TRPM8: variants seen among roughly 807,000 people sequenced by gnomAD.
TRPM8 encodes transient receptor potential cation channel subfamily M member 8.
In TRPM8, 110 loss-of-function variants were observed where a neutral mutation model predicts 133.7. The observed-to-expected ratio is 0.82, with a 90% CI of 0.70 to 0.96. TRPM8 has a LOEUF of 0.96. Ranked by LOEUF, TRPM8 falls within the 40% of genes least tolerant of loss-of-function variation. The pLI, the probability that TRPM8 is intolerant of heterozygous loss-of-function variation, is 0.00. For missense variants in TRPM8, 1,291 were observed against 1,379.5 expected, an observed-to-expected ratio of 0.94 and a Z score of 1.02; for synonymous variants, 535 against 532.3, an observed-to-expected ratio of 1.01 and a Z score of -0.07.
chr2:233,969,937 A>G lies in TRPM8; in HGVS notation c.2138+130A>G, dbSNP rs562527986. 2.4e-5 allele frequency: 18 copies of G among 765,376 alleles called. No individual in the cohort carries two copies. In the African/African-American group the frequency reaches 3.1e-4, roughly 13 times the overall value. The allele number at this position is 765,376 out of a possible 1,614,324, so 47.4% of individuals were successfully genotyped here. On this transcript the variant is annotated intron_variant, in intron 16 of 25. Coordinates refer to ENST00000324695, the MANE Select transcript of TRPM8 (RefSeq NM_024080.5). ...ATGATGTTTACATTGTTGCCTATGA[A>G]TTTGGTCTTGTTTCTCCCCTGACTT...
chr2:234,001,652 C>T (rs1252556191), intron 22 of TRPM8, among the ~76,000 whole-genome samples: 1 of 138,144 alleles, frequency 7.2e-6, no homozygotes, highest in Non-Finnish European at 1.6e-5. Context: ...AAAAGGAGCA[C>T]CCCCCCTTAG....
At chr2:233,924,906 T>C (rs1245280978) in intron 1 of TRPM8, among the ~76,000 whole-genome samples, 4 of 152,258 alleles carry the variant, frequency 2.6e-5, no homozygotes, top group Non-Finnish European at 5.9e-5. Context: ...TCTCAGCTTC[T>C]CTTTGAAATG....
At chr2:233,979,053 G>A (rs558860585) in intron 17 of TRPM8, among the ~76,000 whole-genome samples, 1 of 152,274 alleles carries the variant, frequency 6.6e-6, no homozygotes, top group East Asian at 1.9e-4. Context: ...CTTGCTGAGC[G>A]AGTTCCTTAG....
chr2:233,927,756 TTCTTTCTTTC>T (rs1456946848), intron 2 of TRPM8, among the ~76,000 whole-genome samples: 2 of 67,820 alleles, frequency 2.9e-5, no homozygotes, highest in Non-Finnish European at 4.5e-5. Context: ...CTTTCTTTCT[TTCTTTCTTTC>T]TTTCTTTCTT....
chr2:233,985,774 C>G lies in TRPM8; in HGVS notation c.2848C>G (p.Arg950Gly). 1 of 1,614,168 alleles carries G rather than the reference C, an allele frequency of 6.2e-7. No individual in the cohort carries two copies. The highest frequency in any genetic ancestry group is 1.1e-5 in the South Asian group (1 of 91,076). ...CVELDEHNLP[R>G]FPEWITIPLV... ...GGAGCTGGATGAGCACAACCTGCCC[C>G]GGTTCCCCGAGTGGATCACCATCCC... The change falls in exon 21 of 26, where the codon CGG (arginine) becomes GGG (glycine). Residue 950 changes from arginine to glycine, a missense_variant. Around this residue, in one of 2 missense-constraint regions of TRPM8, gnomAD observed 328 missense variants for 410.6 expected, o/e 0.80. Coordinates refer to ENST00000324695, the MANE Select transcript of TRPM8 (RefSeq NM_024080.5).
intron 18 of TRPM8, 88 bp from the exon 19 acceptor site, chr2:233,981,686 G>A (rs1052581969): frequency 7.2e-7 from 1 of 1,396,922 alleles, no homozygotes; most frequent in African/African-American, 1.5e-5. Context: ...GCTCTTGCCT[G>A]TTTCTTGAAA....
chr2:233,922,924 A>G (rs28902474), intron 1 of TRPM8, among the ~76,000 whole-genome samples: 7,903 of 152,190 alleles, frequency 0.052, 684 homozygotes, highest in African/African-American at 0.18. Flanking sequence ...GCTGCAGTGC[A>G]GTGGCACGAT....
intron 1 of TRPM8, among the ~76,000 whole-genome samples, chr2:233,919,331 C>T (rs961241639): frequency 6.6e-6 from 1 of 152,118 alleles, no homozygotes; most frequent in Non-Finnish European, 1.5e-5. Context: ...CCTCAGCAAA[C>T]AACATGAGGT....
At chr2:233,919,314 C>T (rs140730564) in intron 1 of TRPM8, among the ~76,000 whole-genome samples, 1 of 152,172 alleles carries the variant, frequency 6.6e-6, no homozygotes, top group African/African-American at 2.4e-5. Context: ...CCACGGCCAA[C>T]CTCTCCCCTC....
At chr2:233,980,341 T>C in intron 18 of TRPM8, 62 bp downstream of exon 18, 1 of 1,130,716 alleles carries the variant, frequency 8.8e-7, no homozygotes, top group Non-Finnish European at 1.3e-6. Flanking sequence ...GGAGAAAAGC[T>C]CTGCAGACAT....
chr2:233,958,140 T>G (rs1200465111), intron 11 of TRPM8, among the ~76,000 whole-genome samples: 1 of 152,208 alleles, frequency 6.6e-6, no homozygotes, highest in Non-Finnish European at 1.5e-5. Context: ...TTGTGGTTAT[T>G]AAATCAGGGC....
chr2:233,922,658 C>A (rs1691433562), intron 1 of TRPM8, among the ~76,000 whole-genome samples: 1 of 152,152 alleles, frequency 6.6e-6, no homozygotes, highest in Non-Finnish European at 1.5e-5. Flanking sequence ...CTTCCTTGTT[C>A]CCCATTCCTG....
intron 17 of TRPM8, among the ~76,000 whole-genome samples, chr2:233,975,371 A>C (rs1362374728): frequency 1.3e-5 from 2 of 152,186 alleles, no homozygotes; most frequent in Non-Finnish European, 2.9e-5. Context: ...ACAGCCCCAC[A>C]GCCAGGAGCT....
At chr2:233,929,596 G>A (rs1358194564) in intron 2 of TRPM8, 1 of 152,262 alleles carries the variant, frequency 6.6e-6, no homozygotes, top group Non-Finnish European at 1.5e-5. Context: ...GGATTGCTGG[G>A]GAGAGGAAGT....
intron 9 of TRPM8, among the ~76,000 whole-genome samples, chr2:233,951,372 T>C (rs1169634288): frequency 2.6e-5 from 4 of 152,186 alleles, no homozygotes; most frequent in Admixed American, 6.5e-5. Flanking sequence ...TGGAATAAAT[T>C]CAGTGGTCAG....
At chr2:233,980,167 T>C (rs752082748) in intron 17 of TRPM8, 21 bp from the exon 18 acceptor site, 1 of 1,524,686 alleles carries the variant, frequency 6.6e-7, no homozygotes, top group South Asian at 1.2e-5. Context: ...GATGTCCCTC[T>C]CTGTCCCTTT....
At chr2:233,974,973 T>C (rs1321003077) in intron 17 of TRPM8, among the ~76,000 whole-genome samples, 1 of 152,022 alleles carries the variant, frequency 6.6e-6, no homozygotes, top group East Asian at 1.9e-4. Flanking sequence ...GGTACAATAG[T>C]AACTTACTGA....
At chr2:233,996,039 T>G (rs1190484748) in intron 21 of TRPM8, among the ~76,000 whole-genome samples, 1 of 151,690 alleles carries the variant, frequency 6.6e-6, no homozygotes, top group East Asian at 1.9e-4. Flanking sequence ...AGAGAATCAT[T>G]GAAAGATCTT....
At chr2:233,938,950 T>G (rs777289776) in intron 4 of TRPM8, 48 bp from the exon 5 acceptor site, 1 of 1,589,368 alleles carries the variant, frequency 6.3e-7, no homozygotes, top group Non-Finnish European at 8.6e-7. Flanking sequence ...AACCCCGACC[T>G]CAGGAGAACA....
Sources: gnomAD v4.1 joint callset for allele counts (sites outside exome capture counted in the v4.1 genomes callset) on GRCh38, gnomAD v4.1.1 for gene constraint, gnomAD v4.1.1 regional missense constraint, MANE v1.5 for transcripts, NCBI Gene and HGNC (gene_info 2026-07-23, HGNC 2026-07-21) for gene names.